Variants in RNLS observed in about 807,000 individuals in gnomAD.
The protein encoded by RNLS is renalase.
Under a neutral mutation model 39.8 loss-of-function variants are expected in RNLS, and 39 were observed. The observed-to-expected ratio is 0.98, with a 90% confidence interval of 0.76 to 1.28. The LOEUF is 1.28. Ranked by LOEUF, RNLS falls within the 50% of genes most tolerant of loss-of-function variation. RNLS has a pLI of 0.00. For missense variants in RNLS, 410 were observed against 413.3 expected, an observed-to-expected ratio of 0.99 and a Z score of 0.07; for synonymous variants, 147 against 150.7, an observed-to-expected ratio of 0.98 and a Z score of 0.18.
chr10:88,549,716 C>T (rs1189173228), intron 4 of RNLS, among the ~76,000 whole-genome samples: 1 of 152,218 alleles, frequency 6.6e-6, no homozygotes, highest in East Asian at 1.9e-4. Context: ...TTAATTTACA[C>T]TATCAGCAAA....
intron 4 of RNLS, among the ~76,000 whole-genome samples, chr10:88,409,661 T>A (rs1416869221): frequency 6.6e-6 from 1 of 152,166 alleles, no homozygotes; most frequent in African/African-American, 2.4e-5. Flanking sequence ...AAAATGCCAG[T>A]CATTAATCTT....
intron 4 of RNLS, among the ~76,000 whole-genome samples, chr10:88,400,465 C>T (rs1449643819): frequency 6.6e-6 from 1 of 152,002 alleles, no homozygotes; most frequent in Non-Finnish European, 1.5e-5. Context: ...TGTCACACTT[C>T]CAATCTTTCG....
chr10:88,256,280 C>T, the RNLS span, among the ~76,000 whole-genome samples: 53 of 152,200 alleles, frequency 3.5e-4, no homozygotes, highest in Non-Finnish European at 6.5e-4. Context: ...GCGTACCACC[C>T]GCCTGTCTCA....
In RNLS at chr10:88,583,243, C is replaced by G; in HGVS notation, c.-53G>C. On this transcript the variant is annotated 5_prime_UTR_variant, in exon 1 of 7. Transcript: ENST00000331772. ...AGTCTCTGCGGCGGGGCCGTTCGGC[C>G]CGGGCTTTCTGGAAAGGCGGCCGAA... The G allele has an allele frequency of 6.2e-7, 1 of 1,602,942 alleles. No individual in the cohort carries two copies. Among genetic ancestry groups the G allele is most frequent in the South Asian group, 1.1e-5 (1 of 90,284 alleles).
At chr10:88,337,432 A>G (rs1472709113) in intron 5 of RNLS, among the ~76,000 whole-genome samples, 1 of 152,222 alleles carries the variant, frequency 6.6e-6, no homozygotes, top group African/African-American at 2.4e-5. Context: ...ACAACTAATC[A>G]GTTTATCCAT....
At chr10:88,542,005 T>G (rs1401006191) in intron 4 of RNLS, among the ~76,000 whole-genome samples, 1 of 152,112 alleles carries the variant, frequency 6.6e-6, no homozygotes, top group East Asian at 1.9e-4. Flanking sequence ...AGGAGAGAGA[T>G]AAAAGACGCC....
At chr10:88,240,427 T>A in the RNLS span, among the ~76,000 whole-genome samples, 1 of 151,394 alleles carries the variant, frequency 6.6e-6, no homozygotes, top group Non-Finnish European at 1.5e-5. Context: ...AAAAAAAAAA[T>A]TTAGGCTACT....
chr10:88,488,390 T>C (rs1844675580), intron 4 of RNLS, among the ~76,000 whole-genome samples: 1 of 151,584 alleles, frequency 6.6e-6, no homozygotes, highest in Non-Finnish European at 1.5e-5. Context: ...CTACTAAAAA[T>C]ACAAAATTAG....
chr10:88,238,371 A>C, the RNLS span, among the ~76,000 whole-genome samples: 19 of 152,334 alleles, frequency 1.2e-4, no homozygotes, highest in African/African-American at 4.3e-4. Context: ...CATAGATGAA[A>C]CAAACACACC....
At chr10:88,430,310 A>G (rs1855057611) in intron 4 of RNLS, among the ~76,000 whole-genome samples, 1 of 151,826 alleles carries the variant, frequency 6.6e-6, no homozygotes, top group African/African-American at 2.4e-5. Context: ...TTACTAATAT[A>G]AACAAATACA....
At chr10:88,320,416 A>C (rs1395328756) in intron 5 of RNLS, among the ~76,000 whole-genome samples, 2 of 151,330 alleles carry the variant, frequency 1.3e-5, no homozygotes, top group Non-Finnish European at 2.9e-5. Context: ...AGCTAACAAC[A>C]CTATGGCAGG....
the RNLS span, among the ~76,000 whole-genome samples, chr10:88,177,044 A>G: frequency 6.6e-6 from 1 of 152,152 alleles, no homozygotes; most frequent in Admixed American, 6.5e-5. Flanking sequence ...CACCTTAGCT[A>G]TAATATGTCT....
intron 1 of RNLS, among the ~76,000 whole-genome samples, 158 bp downstream of exon 1, chr10:88,582,915 A>AGGCGCGCCACTC (rs757167889): frequency 3.9e-5 from 6 of 152,050 alleles, no homozygotes; most frequent in Non-Finnish European, 8.8e-5. Flanking sequence ...TCACGTGACG[A>AGGCGCGCCACTC]GGCGCGCCAC....
chr10:88,425,056 T>C (rs1311960486), intron 4 of RNLS, among the ~76,000 whole-genome samples: 5 of 152,148 alleles, frequency 3.3e-5, no homozygotes, highest in Admixed American at 3.3e-4. Context: ...CTCAAATATA[T>C]TGCCACACAC....
chr10:88,314,599 A>T lies in RNLS; in HGVS notation c.743T>A (p.Val248Asp), dbSNP rs1167026370. 6.2e-7 allele frequency: 1 copy of T among 1,613,856 alleles called. No individual in the cohort carries two copies. Among genetic ancestry groups the T allele is most frequent in the Non-Finnish European group, 8.5e-7 (1 of 1,179,826 alleles). Reference protein sequence around the residue: ...IGPSLVIHTTVPFGVTYLEHS... With the variant: ...IGPSLVIHTTDPFGVTYLEHS... ...TTCCAAGTATGTAACTCCAAATGGG[A>T]CAGTGGTGTGAATCACGAGGGAAGG... The change falls in exon 6 of 7, where the codon GTC (valine) becomes GAC (aspartate). Residue 248 changes from valine (V) to aspartate (D), a missense_variant. Physicochemically the swap from Val to Asp is radical, Grantham distance 152. Transcript: ENST00000331772.
At chr10:88,333,910 C>T (rs1337794157) in intron 5 of RNLS, among the ~76,000 whole-genome samples, 3 of 152,126 alleles carry the variant, frequency 2.0e-5, no homozygotes, top group African/African-American at 7.2e-5. Flanking sequence ...AGAGTGAACC[C>T]TCACCAGATG....
chr10:88,392,913 T>C (rs1485644418), intron 4 of RNLS, among the ~76,000 whole-genome samples: 1 of 152,156 alleles, frequency 6.6e-6, no homozygotes, highest in Non-Finnish European at 1.5e-5. Context: ...ATCCAGCATA[T>C]AAACAGAACC....
chr10:88,540,792 C>G (rs1408446802), intron 4 of RNLS, among the ~76,000 whole-genome samples: 1 of 152,038 alleles, frequency 6.6e-6, no homozygotes, highest in Non-Finnish European at 1.5e-5. Flanking sequence ...CATTACTTTA[C>G]AGGCATGCCA....
chr10:88,276,867 T>C (rs1360699577), intron 6 of RNLS, among the ~76,000 whole-genome samples: 1 of 152,186 alleles, frequency 6.6e-6, no homozygotes, highest in Non-Finnish European at 1.5e-5. Flanking sequence ...TTCATAATAT[T>C]TGCAATTTCC....
Sources: allele counts gnomAD v4.1 joint callset (sites outside exome capture counted in the v4.1 genomes callset), GRCh38; gene constraint gnomAD v4.1.1; transcripts MANE v1.5; gene names NCBI Gene and HGNC (gene_info 2026-07-23, HGNC 2026-07-21).